The following ADAM12 variants were observed in gnomAD, a reference collection of about 807,000 sequenced individuals.
The protein encoded by ADAM12 is ADAM metallopeptidase domain 12, also known as disintegrin and metalloproteinase domain-containing protein 12.
Under a neutral mutation model 106.4 loss-of-function variants are expected in ADAM12, and 70 were observed. The ratio of observed to expected loss-of-function variants is 0.66; its 90% CI spans 0.54 to 0.80. ADAM12 has a LOEUF of 0.80. Ranked by LOEUF, ADAM12 falls within the 30% of genes least tolerant of loss-of-function variation. The probability of loss-of-function intolerance (pLI) is 0.00; values close to 1 mark genes in which losing one functional copy is unlikely to be tolerated. For missense variants in ADAM12, 1,010 were observed against 1,171.9 expected, an observed-to-expected ratio of 0.86 and a Z score of 2.02; for synonymous variants, 420 against 433.5, an observed-to-expected ratio of 0.97 and a Z score of 0.39.
intron 3 of ADAM12, among the ~76,000 whole-genome samples, chr10:126,258,899 C>T (rs895710829): frequency 1.3e-5 from 2 of 152,212 alleles, no homozygotes; most frequent in Admixed American, 1.3e-4. Context: ...ATCTCTTTGG[C>T]ATCTCACAGC....
chr10:126,321,541 A>G (rs1054498406), intron 2 of ADAM12, among the ~76,000 whole-genome samples: 3 of 152,186 alleles, frequency 2.0e-5, no homozygotes, highest in African/African-American at 7.2e-5. Context: ...CAAGTACAAT[A>G]CCTTGGCCTG....
chr10:126,309,880 T>G (rs1961006042), intron 2 of ADAM12, among the ~76,000 whole-genome samples: 1 of 152,152 alleles, frequency 6.6e-6, no homozygotes, highest in South Asian at 2.1e-4. Flanking sequence ...TGAAATGGGC[T>G]GGGTGCAGTG....
At chr10:126,167,591 T>C (rs1204783683) in intron 3 of ADAM12, among the ~76,000 whole-genome samples, 1 of 152,228 alleles carries the variant, frequency 6.6e-6, no homozygotes, top group Non-Finnish European at 1.5e-5. Context: ...GTTCATACTA[T>C]TCCATGCGTA....
At chr10:126,128,790 G>A (rs1038039916) in intron 5 of ADAM12, among the ~76,000 whole-genome samples, 1 of 147,402 alleles carries the variant, frequency 6.8e-6, no homozygotes, top group African/African-American at 2.5e-5. Flanking sequence ...TGTGGTGCGC[G>A]TGTCGGAATG....
At chr10:126,035,583 C>T (rs1954044605) in intron 21 of ADAM12, among the ~76,000 whole-genome samples, 1 of 152,082 alleles carries the variant, frequency 6.6e-6, no homozygotes, top group Non-Finnish European at 1.5e-5. Context: ...TGCTTGTTTT[C>T]TCCTCCCTTC....
chr10:126,361,328 A>T (rs986566421), intron 1 of ADAM12, among the ~76,000 whole-genome samples: 1 of 152,246 alleles, frequency 6.6e-6, no homozygotes, highest in African/African-American at 2.4e-5. Context: ...CATGGATTGA[A>T]AGAATGAGTA....
intron 3 of ADAM12, among the ~76,000 whole-genome samples, chr10:126,215,977 A>G (rs2133844322): frequency 6.6e-6 from 1 of 152,332 alleles, no homozygotes; most frequent in East Asian, 1.9e-4. Context: ...TGTCATAGCC[A>G]TGAACCCACC....
intron 6 of ADAM12, among the ~76,000 whole-genome samples, chr10:126,117,575 C>A (rs1281369644): frequency 6.6e-6 from 1 of 151,914 alleles, no homozygotes; most frequent in African/African-American, 2.4e-5. Flanking sequence ...TTATAAGAAC[C>A]CAAACTTGCT....
chr10:126,039,061 G>A (rs943510389), intron 19 of ADAM12, among the ~76,000 whole-genome samples: 4 of 139,464 alleles, frequency 2.9e-5, no homozygotes, highest in South Asian at 4.9e-4. Flanking sequence ...CCGGGTTCAC[G>A]CCATTCTCAT....
At chr10:126,039,683 G>T (rs1954125838) in intron 18 of ADAM12, among the ~76,000 whole-genome samples, 1 of 152,192 alleles carries the variant, frequency 6.6e-6, no homozygotes, top group Admixed American at 6.5e-5. Flanking sequence ...TGGGGTGATG[G>T]TCTGGACCAC....
At chr10:126,313,282 A>G (rs1463476251) in intron 2 of ADAM12, among the ~76,000 whole-genome samples, 2 of 152,196 alleles carry the variant, frequency 1.3e-5, no homozygotes, top group Non-Finnish European at 2.9e-5. Flanking sequence ...CCAAGAAACC[A>G]AGGTGAAAAG....
intron 4 of ADAM12, among the ~76,000 whole-genome samples, chr10:126,143,596 T>G (rs1265451385): frequency 7.5e-6 from 1 of 132,792 alleles, no homozygotes; most frequent in Non-Finnish European, 1.7e-5. Flanking sequence ...TGTATATGCA[T>G]GTATCTGTAT....
intron 21 of ADAM12, 75 bp downstream of exon 21, chr10:126,036,071 T>C (rs1486243518): frequency 6.3e-5 from 80 of 1,279,134 alleles, no homozygotes; most frequent in Non-Finnish European, 8.0e-6. Flanking sequence ...AAGCAACTTA[T>C]CTAAGCTCAC....
At chr10:126,294,797 C>A (rs1177076818) in intron 2 of ADAM12, among the ~76,000 whole-genome samples, 3 of 152,016 alleles carry the variant, frequency 2.0e-5, no homozygotes, top group Non-Finnish European at 4.4e-5. Context: ...CTCCTACAGA[C>A]AAATCTTTTA....
At chr10:126,056,520 A>G in intron 14 of ADAM12, among the ~76,000 whole-genome samples, 1 of 152,174 alleles carries the variant, frequency 6.6e-6, no homozygotes, top group East Asian at 1.9e-4. Flanking sequence ...GCTTCCTTTT[A>G]TCAGTCCTCT....
chr10:126,329,493 T>A (rs1337073307), intron 2 of ADAM12, among the ~76,000 whole-genome samples: 1 of 152,228 alleles, frequency 6.6e-6, no homozygotes, highest in African/African-American at 2.4e-5. Flanking sequence ...CCACTATACT[T>A]GACTTGTACC....
chr10:126,111,928 A>G lies in ADAM12; in HGVS notation c.604-2088T>C, dbSNP rs572955830. Among the ~76,000 whole-genome samples, 17 of 152,302 alleles carry G rather than the reference A, an allele frequency of 1.1e-4. No individual in the cohort carries two copies. The South Asian group carries it at 3.5e-3, about 32-fold the overall frequency. ...GTTAAAAAAACAACAACAAAGAATC[A>G]TGTTTTTAAATTTGTGATATGGAGA... On this transcript the variant is annotated intron_variant, in intron 6 of 22. Coordinates refer to ENST00000448723, the MANE Select transcript of ADAM12 (RefSeq NM_001288973.2).
intron 3 of ADAM12, among the ~76,000 whole-genome samples, chr10:126,172,483 T>C (rs1489437401): frequency 1.3e-5 from 2 of 152,188 alleles, no homozygotes; most frequent in Non-Finnish European, 2.9e-5. Flanking sequence ...GACATTTATG[T>C]TGCCAACAAA....
rs1281678962 is a variant in ADAM12, at chr10:126,030,343, T to TG, written c.2529+5802dup. ...TAATCTCTCCTAGCAGAGAGGTGGG[T>TG]GGGGGGTAGAGCTGAGACTTTTCAT... On this transcript the variant is annotated intron_variant, in intron 21 of 22. Coordinates refer to ENST00000448723, the MANE Select transcript of ADAM12 (RefSeq NM_001288973.2). Among the ~76,000 whole-genome samples, 24 of 152,134 alleles carry TG rather than the reference T, an allele frequency of 1.6e-4. No homozygotes were observed. The South Asian group carries it at 2.1e-3, about 13-fold the overall frequency.
Sources: allele counts gnomAD v4.1 joint callset (sites outside exome capture counted in the v4.1 genomes callset), GRCh38; gene constraint gnomAD v4.1.1; transcripts MANE v1.5; gene names NCBI Gene and HGNC (gene_info 2026-07-23, HGNC 2026-07-21).